Variants in ADAM12 observed in about 807,000 individuals in gnomAD.
The protein encoded by ADAM12 is ADAM metallopeptidase domain 12, also known as disintegrin and metalloproteinase domain-containing protein 12.
ADAM12 carries 70 observed loss-of-function variants against 106.4 expected under a neutral mutation model. The ratio of observed to expected loss-of-function variants is 0.66; its 90% CI spans 0.54 to 0.80. The LOEUF is 0.80. ADAM12 is among the 30% of genes least tolerant of loss of function. The probability of loss-of-function intolerance (pLI) is 0.00; values close to 1 mark genes in which losing one functional copy is unlikely to be tolerated. For missense variants in ADAM12, 1,010 were observed against 1,171.9 expected (o/e 0.86, Z 2.02); for synonymous variants, 420 against 433.5 (o/e 0.97, Z 0.39).
intron 5 of ADAM12, among the ~76,000 whole-genome samples, chr10:126,124,631 G>A (rs1004371537): frequency 6.6e-6 from 1 of 152,034 alleles, no homozygotes; most frequent in African/African-American, 2.4e-5. Flanking sequence ...GGTGGCTCAT[G>A]CCTGTAATCC....
At chr10:126,324,509 C>T (rs1021347340) in intron 2 of ADAM12, among the ~76,000 whole-genome samples, 4 of 152,126 alleles carry the variant, frequency 2.6e-5, no homozygotes, top group South Asian at 2.1e-4. Flanking sequence ...CCGGGACTTC[C>T]GAAGGACTGG....
rs1426539092 is a variant in ADAM12 at position 126,135,520 on chromosome 10, A to G, written c.416+64T>C. 1.3e-5 allele frequency: 20 copies of G among 1,505,374 alleles called. No homozygotes were observed. The East Asian group carries it at 4.5e-4, about 34-fold the overall frequency. The allele number at this position is 1,505,374 out of a possible 1,614,324, so 93.3% of individuals were successfully genotyped here. ...TCTCAGTGCTTTAGCACGAGCAGGA[A>G]AAGACAGAGGTTGCCTGCAGTAGAT... On this transcript the variant is annotated intron_variant, in intron 5 of 22. Transcript: ENST00000448723.
At chr10:126,235,972 C>T (rs750383395) in intron 3 of ADAM12, among the ~76,000 whole-genome samples, 12 of 151,870 alleles carry the variant, frequency 7.9e-5, no homozygotes, top group Non-Finnish European at 1.8e-4. Flanking sequence ...GGAGCAGAGG[C>T]GAGGGCAGCC....
intron 3 of ADAM12, among the ~76,000 whole-genome samples, chr10:126,213,818 A>G (rs914385988): frequency 3.9e-5 from 6 of 152,108 alleles, no homozygotes; most frequent in Non-Finnish European, 5.9e-5. Context: ...GCTAGAACGA[A>G]CTCTTGTTTG....
At chr10:126,188,952 T>C (rs879587470) in intron 3 of ADAM12, among the ~76,000 whole-genome samples, 6 of 152,184 alleles carry the variant, frequency 3.9e-5, no homozygotes, top group Non-Finnish European at 7.3e-5. Context: ...CATCCATTCA[T>C]CATCCATCTA....
At chr10:126,111,050 T>C (rs2133602505) in intron 6 of ADAM12, among the ~76,000 whole-genome samples, 1 of 152,350 alleles carries the variant, frequency 6.6e-6, no homozygotes, top group South Asian at 2.1e-4. Flanking sequence ...GAAACATCTT[T>C]TATAAAACAA....
intron 2 of ADAM12, among the ~76,000 whole-genome samples, chr10:126,301,743 A>T (rs969523274): frequency 4.6e-5 from 7 of 152,178 alleles, no homozygotes; most frequent in African/African-American, 7.2e-5. Flanking sequence ...AGCAACCATT[A>T]CGAGTCCACT....
chr10:126,218,456 A>C (rs1242775857), intron 3 of ADAM12, among the ~76,000 whole-genome samples: 1 of 152,180 alleles, frequency 6.6e-6, no homozygotes, highest in Non-Finnish European at 1.5e-5. Flanking sequence ...ACTGCTATGC[A>C]TTGACTTTTC....
chr10:126,367,206 G>A (rs1855941110), intron 1 of ADAM12, among the ~76,000 whole-genome samples: 1 of 151,582 alleles, frequency 6.6e-6, no homozygotes, highest in Non-Finnish European at 1.5e-5. Flanking sequence ...AAAGATAAAA[G>A]TAATAAAGAA....
intron 11 of ADAM12, among the ~76,000 whole-genome samples, chr10:126,079,343 C>A (rs1440742533): frequency 6.6e-6 from 1 of 152,106 alleles, no homozygotes; most frequent in Non-Finnish European, 1.5e-5. Flanking sequence ...CCATTCCCCA[C>A]CCAGCCCCTG....
chr10:126,259,373 A>G (rs1958954794), intron 3 of ADAM12, among the ~76,000 whole-genome samples: 1 of 152,250 alleles, frequency 6.6e-6, no homozygotes, highest in Non-Finnish European at 1.5e-5. Context: ...CTGCAAAGTT[A>G]TAATACGTTT....
At chr10:126,327,530 G>A (rs911195503) in intron 2 of ADAM12, among the ~76,000 whole-genome samples, 2 of 152,048 alleles carry the variant, frequency 1.3e-5, no homozygotes, top group African/African-American at 4.8e-5. Context: ...ATCGAGACAG[G>A]AGGATTGCTT....
At chr10:126,101,036 C>CTTTTTTTT in intron 9 of ADAM12, 36 bp downstream of exon 9, 1 of 1,309,474 alleles carries the variant, frequency 7.6e-7, no homozygotes, top group Non-Finnish European at 1.0e-6. Context: ...GAGAGCACTC[C>CTTTTTTTT]TTTTTTTTTT....
At chr10:126,093,407 T>C (rs913372469) in intron 11 of ADAM12, among the ~76,000 whole-genome samples, 18 of 152,206 alleles carry the variant, frequency 1.2e-4, no homozygotes, top group Non-Finnish European at 2.5e-4. Flanking sequence ...AGCATTGTAA[T>C]ATACCAAAGC....
chr10:126,050,305 C>T (rs1222586535), intron 14 of ADAM12, among the ~76,000 whole-genome samples: 1 of 152,132 alleles, frequency 6.6e-6, no homozygotes, highest in Admixed American at 6.5e-5. Context: ...TCATGGCAGC[C>T]AGAGAGCTCA....
At chr10:126,295,296 C>T (rs766520118) in intron 2 of ADAM12, among the ~76,000 whole-genome samples, 7 of 152,140 alleles carry the variant, frequency 4.6e-5, no homozygotes, top group Non-Finnish European at 1.0e-4. Flanking sequence ...TCATACTATG[C>T]CAGCTGGGAG....
In ADAM12 at chr10:126,017,265, A is replaced by G; in HGVS notation, c.*14T>C. On this transcript the variant is annotated 3_prime_UTR_variant, in exon 23 of 23. Transcript: ENST00000448723. ...AAACTTCTGTCTTCACTGTTGAAAAAAGGTGTCGGCTTCTCACTTAATATA... is the reference window on the plus strand; with the variant it reads ...AAACTTCTGTCTTCACTGTTGAAAAGAGGTGTCGGCTTCTCACTTAATATA... 6.3e-7 allele frequency: 1 copy of G among 1,584,914 alleles called. No homozygotes were observed. Among genetic ancestry groups the G allele is most frequent in the Non-Finnish European group, 8.6e-7 (1 of 1,164,186 alleles).
intron 3 of ADAM12, among the ~76,000 whole-genome samples, chr10:126,255,050 C>T (rs1367447503): frequency 6.6e-6 from 1 of 152,204 alleles, no homozygotes; most frequent in Non-Finnish European, 1.5e-5. Flanking sequence ...GGCTTTCCTG[C>T]ACCCGAAGTG....
chr10:126,217,319 C>A (rs1317318721), intron 3 of ADAM12, among the ~76,000 whole-genome samples: 2 of 150,600 alleles, frequency 1.3e-5, no homozygotes, highest in African/African-American at 2.4e-5. Flanking sequence ...ATAAATACCT[C>A]AAATTTATGA....
Sources: allele counts gnomAD v4.1 joint callset (sites outside exome capture counted in the v4.1 genomes callset), GRCh38; gene constraint gnomAD v4.1.1; transcripts MANE v1.5; gene names NCBI Gene and HGNC (gene_info 2026-07-23, HGNC 2026-07-21).